The following PITPNC1 variants were observed in gnomAD, a reference collection of about 807,000 sequenced individuals.
PITPNC1 encodes the protein phosphatidylinositol transfer protein cytoplasmic 1.
Under a neutral mutation model 44.7 loss-of-function variants are expected in PITPNC1, and 18 were observed. The observed-to-expected ratio is 0.40, with a 90% CI of 0.28 to 0.60. PITPNC1 has a LOEUF of 0.60. Ranked by LOEUF, PITPNC1 falls within the 20% of genes least tolerant of loss-of-function variation. The pLI is 0.39. For synonymous variants in PITPNC1, 141 were observed against 149.6 expected (o/e 0.94, Z 0.42); for missense variants, 290 against 418.4 (o/e 0.69, Z 2.68).
intron 1 of PITPNC1, chr17:67,408,711 T>C (rs2038440400): frequency 6.7e-6 from 1 of 148,908 alleles, no homozygotes; most frequent in Non-Finnish European, 1.5e-5. Flanking sequence ...CCTTCCTTCC[T>C]TCCTTCCTTC....
In PITPNC1 at chr17:67,387,456, G is replaced by A. The variant is rs370188832; in HGVS notation, c.48+9254G>A. 2.6e-5 allele frequency among the ~76,000 whole-genome samples: 4 copies of A among 152,180 alleles called. No homozygotes were observed. In the South Asian group the frequency reaches 8.3e-4, roughly 32 times the overall value. On this transcript the variant is annotated intron_variant, in intron 1 of 8. Transcript: ENST00000581322. The stretch of plus-strand genomic sequence containing the variant: ...CGAGGCAGACGGGTCACTTGAGGTC[G>A]GGAGTTTAAGATCAGCCTGGCCAAC...
intron 6 of PITPNC1, among the ~76,000 whole-genome samples, chr17:67,639,844 G>A (rs757961402): frequency 2.0e-5 from 3 of 152,204 alleles, no homozygotes; most frequent in Non-Finnish European, 4.4e-5. Context: ...CCGGCCCTCA[G>A]AAAGGGAACA....
chr17:67,519,551 C>T (rs1019731622), intron 1 of PITPNC1, among the ~76,000 whole-genome samples: 4 of 152,156 alleles, frequency 2.6e-5, no homozygotes, highest in African/African-American at 7.2e-5. Context: ...TCTTCACTGA[C>T]GACCTCAGGA....
intron 1 of PITPNC1, among the ~76,000 whole-genome samples, chr17:67,462,959 C>T (rs1426223195): frequency 3.3e-5 from 5 of 152,232 alleles, no homozygotes; most frequent in Non-Finnish European, 5.9e-5. Flanking sequence ...ACTTCAGCCT[C>T]CCAAAGTGCT....
chr17:67,599,744 G>A (rs148909308), intron 5 of PITPNC1, among the ~76,000 whole-genome samples: 4 of 152,168 alleles, frequency 2.6e-5, no homozygotes, highest in African/African-American at 9.7e-5. Context: ...ATGCTTGGCT[G>A]TAGAAGGAAG....
In PITPNC1 at chr17:67,405,547, A is replaced by G. The variant is rs371393363; in HGVS notation, c.48+27345A>G. On this transcript the variant is annotated intron_variant, in intron 1 of 8. Coordinates refer to ENST00000581322, the MANE Select transcript of PITPNC1 (RefSeq NM_012417.4). ...TATGAATCAATTTACCCATAAATCT[A>G]TCGTCCGTTTAATAAGTAGAATGTT... is the stretch of plus-strand genomic sequence containing the variant. 6.0e-4 allele frequency among the ~76,000 whole-genome samples: 92 copies of G among 152,112 alleles called. 1 individual carries two copies. In the South Asian group the frequency reaches 0.017, roughly 27 times the overall value.
intron 1 of PITPNC1, among the ~76,000 whole-genome samples, chr17:67,489,264 G>A (rs2364969): frequency 0.13 from 19,295 of 152,208 alleles, 1,376 homozygotes; most frequent in Middle Eastern, 0.2. Flanking sequence ...ATAGGCCTCT[G>A]TCCTCACAGA....
Position 67,545,519 on chromosome 17 carries a change from C to T in PITPNC1, c.198-6738C>T, listed in dbSNP as rs1206010427. 4.0e-5 allele frequency among the ~76,000 whole-genome samples: 6 copies of T among 151,716 alleles called. No individual in the cohort carries two copies. The East Asian group carries it at 7.8e-4, about 20-fold the overall frequency. On this transcript the variant is annotated intron_variant, in intron 2 of 8. Transcript: ENST00000581322. ...TGAACCCAGGAGGTGGAGGTTGCAG[C>T]GAGCTGAGATTGCATCACTGCATTC...
chr17:67,621,048 C>T (rs879835413), intron 5 of PITPNC1, among the ~76,000 whole-genome samples: 3 of 152,028 alleles, frequency 2.0e-5, no homozygotes, highest in African/African-American at 4.8e-5. Context: ...TCTTTCTTCA[C>T]GACACCAATT....
chr17:67,585,044 A>G (rs141864584), intron 5 of PITPNC1, among the ~76,000 whole-genome samples: 2,501 of 149,154 alleles, frequency 0.017, 34 homozygotes, highest in South Asian at 0.047. Context: ...TGAACCTGGG[A>G]GGCAGAGATT....
At chr17:67,549,424 T>G (rs1451402627) in intron 2 of PITPNC1, among the ~76,000 whole-genome samples, 2 of 152,178 alleles carry the variant, frequency 1.3e-5, no homozygotes, top group African/African-American at 4.8e-5. Flanking sequence ...GACTAAATGA[T>G]CGTGGTTTTT....
At chr17:67,389,744 A>G (rs1019727465) in intron 1 of PITPNC1, among the ~76,000 whole-genome samples, 13 of 152,008 alleles carry the variant, frequency 8.6e-5, no homozygotes, top group African/African-American at 1.5e-4. Flanking sequence ...CTATGGCGCA[A>G]TCTCGGCTCA....
chr17:67,608,258 A>C (rs920613909), intron 5 of PITPNC1, among the ~76,000 whole-genome samples: 25 of 121,200 alleles, frequency 2.1e-4, no homozygotes, highest in Non-Finnish European at 4.1e-4. Context: ...AAAAAAAAAC[A>C]AAAAAAAAAA....
chr17:67,405,609 C>CTTTTTTTTT (rs748815813), intron 1 of PITPNC1, among the ~76,000 whole-genome samples: 1 of 142,004 alleles, frequency 7.0e-6, no homozygotes, highest in African/African-American at 2.6e-5. Context: ...TTCTTTCTTT[C>CTTTTTTTTT]TTTTTTTTTT....
At chr17:67,505,416 C>T (rs2040087793) in intron 1 of PITPNC1, among the ~76,000 whole-genome samples, 1 of 152,142 alleles carries the variant, frequency 6.6e-6, no homozygotes. Flanking sequence ...TAGGCACATA[C>T]CTGTTTATCA....
At chr17:67,619,405 G>T (rs1463698770) in intron 5 of PITPNC1, among the ~76,000 whole-genome samples, 2 of 152,126 alleles carry the variant, frequency 1.3e-5, no homozygotes, top group African/African-American at 4.8e-5. Context: ...GAATACCCAC[G>T]TTTTTTAATC....
At chr17:67,509,841 A>G (rs749941236) in intron 1 of PITPNC1, among the ~76,000 whole-genome samples, 3 of 152,092 alleles carry the variant, frequency 2.0e-5, no homozygotes, top group Non-Finnish European at 4.4e-5. Flanking sequence ...ATTTGGGGGA[A>G]TTTTGGGTCA....
At chr17:67,560,807 C>T (rs1299057592) in intron 4 of PITPNC1, among the ~76,000 whole-genome samples, 6 of 152,282 alleles carry the variant, frequency 3.9e-5, no homozygotes, top group East Asian at 3.9e-4. Flanking sequence ...TGATAGAACA[C>T]GTGGCTCTAC....
intron 5 of PITPNC1, among the ~76,000 whole-genome samples, chr17:67,622,880 C>T (rs2706670): frequency 0.035 from 5,332 of 151,528 alleles, 209 homozygotes; most frequent in African/African-American, 0.09. Flanking sequence ...AAAAAAATAG[C>T]GATAATAATA....
Sources: gnomAD v4.1 joint callset for allele counts (sites outside exome capture counted in the v4.1 genomes callset) on GRCh38, gnomAD v4.1.1 for gene constraint, MANE v1.5 for transcripts, NCBI Gene and HGNC (gene_info 2026-07-23, HGNC 2026-07-21) for gene names.